HIP1: variants seen among roughly 807,000 people sequenced by gnomAD.
The protein encoded by HIP1 is huntingtin interacting protein 1, also known as huntingtin-interacting protein 1.
In HIP1, 65 loss-of-function variants were observed where a neutral mutation model predicts 147.6. The observed-to-expected ratio is 0.44, with a 90% confidence interval of 0.36 to 0.54. HIP1 has a LOEUF of 0.54. Among genes scored for constraint, HIP1 ranks in the 20% least tolerant of loss-of-function variants. HIP1 has a pLI of 0.00. For missense variants in HIP1, 1,061 were observed against 1,299.6 expected, an observed-to-expected ratio of 0.82 and a Z score of 2.82; for synonymous variants, 479 against 504.0, an observed-to-expected ratio of 0.95 and a Z score of 0.67.
At chr7:75,544,206 T>C (rs1584774064) in intron 27 of HIP1, among the ~76,000 whole-genome samples, 1 of 145,634 alleles carries the variant, frequency 6.9e-6, no homozygotes, top group Non-Finnish European at 1.5e-5. Context: ...TGTAAGAGGA[T>C]AGTATGGGAC....
intron 7 of HIP1, among the ~76,000 whole-genome samples, chr7:75,579,629 G>T (rs992891679): frequency 3.9e-5 from 6 of 152,136 alleles, no homozygotes; most frequent in Non-Finnish European, 5.9e-5. Flanking sequence ...CTGTGCTGAA[G>T]ACTGGTCAAT....
intron 1 of HIP1, among the ~76,000 whole-genome samples, chr7:75,695,283 A>C (rs1489362125): frequency 2.6e-5 from 4 of 152,040 alleles, no homozygotes; most frequent in African/African-American, 7.2e-5. Flanking sequence ...TTTTTTTCTG[A>C]GACCTTGGTG....
intron 1 of HIP1, among the ~76,000 whole-genome samples, chr7:75,664,399 T>C (rs1258511989): frequency 1.4e-5 from 2 of 143,042 alleles, no homozygotes; most frequent in East Asian, 2.1e-4. Context: ...TACGTATACA[T>C]ACATATATAC....
intron 1 of HIP1, among the ~76,000 whole-genome samples, chr7:75,605,643 C>T (rs1049233085): frequency 2.0e-5 from 3 of 152,116 alleles, no homozygotes; most frequent in African/African-American, 7.2e-5. Flanking sequence ...AGTGATTCTC[C>T]TGTCTCAGCC....
chr7:75,723,122 T>A (rs1440389608), intron 1 of HIP1, among the ~76,000 whole-genome samples: 3 of 152,078 alleles, frequency 2.0e-5, no homozygotes, highest in Non-Finnish European at 4.4e-5. Context: ...AACAGCCATT[T>A]ATTGGGAGGC....
chr7:75,553,674 C>T (rs1347466690), intron 21 of HIP1, 85 bp from the exon 22 acceptor site: 14 of 1,275,788 alleles, frequency 1.1e-5, no homozygotes, highest in Non-Finnish European at 1.3e-5. Flanking sequence ...GGCGCCATCT[C>T]GGCTCACTGC....
chr7:75,625,237 C>T (rs1554507819), intron 1 of HIP1: 1 of 152,130 alleles, frequency 6.6e-6, no homozygotes, highest in Non-Finnish European at 1.5e-5. Flanking sequence ...TGGGGTCTCA[C>T]TCTGTTGCTC....
chr7:75,604,676 GGAA>G (rs1357992053), intron 1 of HIP1, among the ~76,000 whole-genome samples: 2 of 150,378 alleles, frequency 1.3e-5, no homozygotes, highest in Admixed American at 6.7e-5. Context: ...TAGAAAAGAA[GGAA>G]GAAGGAAGGA....
chr7:75,678,340 CTTT>C (rs782045169), intron 1 of HIP1, among the ~76,000 whole-genome samples: 1 of 86,342 alleles, frequency 1.2e-5, no homozygotes, highest in Non-Finnish European at 2.2e-5. Context: ...TTCCTTTATT[CTTT>C]TTTTTTTTTT....
At chr7:75,630,716 C>T (rs1260336435) in intron 1 of HIP1, among the ~76,000 whole-genome samples, 2 of 152,116 alleles carry the variant, frequency 1.3e-5, no homozygotes, top group Admixed American at 6.6e-5. Flanking sequence ...CCACCTTCTC[C>T]AGGCTGACAC....
At chr7:75,598,422 C>G (rs587729889) in intron 2 of HIP1, among the ~76,000 whole-genome samples, 1 of 141,724 alleles carries the variant, frequency 7.1e-6, no homozygotes, top group South Asian at 2.3e-4. Flanking sequence ...AAAAAACTCT[C>G]TTTTTCTTTT....
At chr7:75,599,327 C>T (rs1189531363) in intron 1 of HIP1, 80 bp from the exon 2 acceptor site, 8 of 1,119,318 alleles carry the variant, frequency 7.1e-6, no homozygotes, top group South Asian at 1.2e-5. Flanking sequence ...CCCAGATGCC[C>T]GCCCCTTTCT....
chr7:75,652,824 G>A (rs1799038405), intron 1 of HIP1, among the ~76,000 whole-genome samples: 1 of 152,186 alleles, frequency 6.6e-6, no homozygotes, highest in African/African-American at 2.4e-5. Context: ...AGTGATGAGT[G>A]TGGAAGAGGC....
chr7:75,617,522 C>T (rs13223613), intron 1 of HIP1, among the ~76,000 whole-genome samples: 32,812 of 152,088 alleles, frequency 0.22, 4,347 homozygotes, highest in African/African-American at 0.38. Context: ...CAGCCTCAGC[C>T]TGGTTCCTTG....
Position 75,533,374 on chromosome 7 carries a change from A to G in HIP1, c.*4798T>C, listed in dbSNP as rs1436926136. 9 of 226,532 alleles carry G rather than the reference A, an allele frequency of 4.0e-5. No homozygotes were observed. In the Admixed American group the frequency reaches 4.6e-4, roughly 11 times the overall value. The allele number at this position is 226,532 out of a possible 1,614,324, so 14.0% of individuals were successfully genotyped here. ...TTATACAAAGAAAGGTCTTAATACC[A>G]TAATAAAAGTATTGTTGGAGGGAAA... On this transcript the variant is annotated 3_prime_UTR_variant, in exon 31 of 31. Transcript: ENST00000336926.
At chr7:75,553,093 A>G (rs1432388947) in intron 22 of HIP1, among the ~76,000 whole-genome samples, 1 of 151,754 alleles carries the variant, frequency 6.6e-6, no homozygotes, top group Non-Finnish European at 1.5e-5. Context: ...ATGCACCACT[A>G]TGCTGGGTTG....
At chr7:75,673,521 T>C (rs2117251051) in intron 1 of HIP1, among the ~76,000 whole-genome samples, 1 of 152,254 alleles carries the variant, frequency 6.6e-6, no homozygotes, top group African/African-American at 2.4e-5. Flanking sequence ...AAAATGTCTT[T>C]CCATTTATTT....
At chr7:75,572,205 G>A (rs183328689) in intron 8 of HIP1, among the ~76,000 whole-genome samples, 1 of 147,784 alleles carries the variant, frequency 6.8e-6, no homozygotes, top group Non-Finnish European at 1.5e-5. Flanking sequence ...GCCTGGGTGA[G>A]AGAGTGAGAC....
chr7:75,611,466 CA>C (rs11390672), intron 1 of HIP1, among the ~76,000 whole-genome samples: 159 of 87,648 alleles, frequency 1.8e-3, no homozygotes, highest in Non-Finnish European at 2.2e-3. Context: ...GACTCTGTCT[CA>C]AAAAAAAAAA....
Sources: gnomAD v4.1 joint callset for allele counts (sites outside exome capture counted in the v4.1 genomes callset) on GRCh38, gnomAD v4.1.1 for gene constraint, MANE v1.5 for transcripts, NCBI Gene and HGNC (gene_info 2026-07-23, HGNC 2026-07-21) for gene names.